The following THSD7B variants were observed in gnomAD, a reference collection of about 807,000 sequenced individuals.
THSD7B encodes the protein thrombospondin type-1 domain-containing protein 7B.
In THSD7B, 138 loss-of-function variants were observed where a neutral mutation model predicts 213.6. The observed-to-expected ratio is 0.65, with a 90% CI of 0.56 to 0.74. The LOEUF (loss-of-function observed/expected upper bound fraction) is 0.74, where lower values mean the gene tolerates loss of function less well. Ranked by LOEUF, THSD7B falls within the 30% of genes least tolerant of loss-of-function variation. The pLI is 0.00. For missense variants in THSD7B, 1,931 were observed against 1,991.5 expected (o/e 0.97, Z 0.58); for synonymous variants, 742 against 687.0 (o/e 1.08, Z -1.25).
At position 137,380,237 on chromosome 2, in the gene THSD7B, A is replaced by G. The variant is rs892647557; in HGVS notation, c.2501-25376A>G. ...GACCAGCCTGGGCAAAAAAGCGATA[A>G]CTCATCTCTACAAAAAATAGAAAAA... On this transcript the variant is annotated intron_variant, in intron 12 of 27. Transcript: ENST00000409968. Among the ~76,000 whole-genome samples the G allele has an allele frequency of 1.7e-4, 24 of 142,534 alleles. 1 individual carries two copies. The highest frequency in any genetic ancestry group is 4.8e-4 in the African/African-American group (18 of 37,448). 93.5% of individuals were successfully genotyped at this position (142,534 alleles called of 152,430 possible).
At chr2:137,508,376 ATTTTTTT>A (rs11383871) in intron 15 of THSD7B, among the ~76,000 whole-genome samples, 2 of 107,950 alleles carry the variant, frequency 1.9e-5, no homozygotes, top group Non-Finnish European at 3.5e-5. Context: ...AAATAAAACA[ATTTTTTT>A]TTTTTTTTTT....
intron 13 of THSD7B, among the ~76,000 whole-genome samples, chr2:137,409,128 G>A (rs1206219887): frequency 6.6e-6 from 1 of 152,154 alleles, no homozygotes; most frequent in Non-Finnish European, 1.5e-5. Context: ...ACTATGGTAA[G>A]CCACTTCAGA....
intron 10 of THSD7B, among the ~76,000 whole-genome samples, chr2:137,243,375 A>G (rs1162641818): frequency 6.6e-6 from 1 of 152,184 alleles, no homozygotes; most frequent in East Asian, 1.9e-4. Flanking sequence ...ATGGTTACAA[A>G]AGGCAAATCC....
intron 12 of THSD7B, among the ~76,000 whole-genome samples, chr2:137,398,448 T>C (rs1470948221): frequency 2.6e-5 from 4 of 151,580 alleles, no homozygotes; most frequent in African/African-American, 9.7e-5. Context: ...GTGCCCCTGC[T>C]GGGGGGTGCC....
rs192776661 is a variant in THSD7B at position 137,238,991 on chromosome 2, A to G, written c.2151-3466A>G. Among the ~76,000 whole-genome samples, 7 of 152,284 alleles carry G rather than the reference A, an allele frequency of 4.6e-5. No individual in the cohort carries two copies. The East Asian group carries it at 9.6e-4, about 21-fold the overall frequency. On this transcript the variant is annotated intron_variant, in intron 9 of 27. Coordinates refer to ENST00000409968, the MANE Select transcript of THSD7B (RefSeq NM_001316349.2). ...AATGAATTAGCAATTTTTTCTGGGT[A>G]TATATCTTTTAATATTAGTTTATTT...
At chr2:137,583,155 G>C (rs1345093057) in intron 17 of THSD7B, among the ~76,000 whole-genome samples, 1 of 152,154 alleles carries the variant, frequency 6.6e-6, no homozygotes, top group South Asian at 2.1e-4. Context: ...AGAAGTGTCT[G>C]TTCATATCCT....
intron 2 of THSD7B, among the ~76,000 whole-genome samples, chr2:137,017,082 CA>C (rs1686355300): frequency 6.6e-6 from 1 of 152,052 alleles, no homozygotes; most frequent in South Asian, 2.1e-4. Context: ...ATTTGGGTAC[CA>C]AATGAGCAGA....
intron 1 of THSD7B, among the ~76,000 whole-genome samples, chr2:136,801,287 C>T (rs1006275331): frequency 1.3e-5 from 2 of 152,048 alleles, no homozygotes; most frequent in African/African-American, 4.8e-5. Flanking sequence ...CGGAGGACCA[C>T]CAAAGTTCAG....
chr2:137,296,227 G>A (rs62171140), intron 12 of THSD7B, among the ~76,000 whole-genome samples: 9,364 of 152,102 alleles, frequency 0.062, 539 homozygotes, highest in African/African-American at 0.14. Flanking sequence ...CAAATTTATT[G>A]AATCCTTTGT....
intron 10 of THSD7B, among the ~76,000 whole-genome samples, chr2:137,264,731 T>C (rs1192760000): frequency 6.6e-6 from 1 of 151,990 alleles, no homozygotes; most frequent in Non-Finnish European, 1.5e-5. Flanking sequence ...AGCCCTATAC[T>C]CTCTTTTCCC....
chr2:137,566,613 T>A (rs1420117182), intron 16 of THSD7B, among the ~76,000 whole-genome samples: 1 of 152,152 alleles, frequency 6.6e-6, no homozygotes, highest in East Asian at 1.9e-4. Context: ...TACATTCCAC[T>A]GGTACTTAGT....
chr2:136,995,144 C>T (rs1270902047), intron 2 of THSD7B, among the ~76,000 whole-genome samples: 1 of 152,190 alleles, frequency 6.6e-6, no homozygotes, highest in Non-Finnish European at 1.5e-5. Flanking sequence ...ATCAATCCTA[C>T]CCAACCCAGG....
chr2:137,078,688 T>C (rs1464390865), intron 3 of THSD7B, among the ~76,000 whole-genome samples: 1 of 152,136 alleles, frequency 6.6e-6, no homozygotes, highest in Non-Finnish European at 1.5e-5. Context: ...ACTGTCTGAA[T>C]AAGAAATTTA....
intron 12 of THSD7B, among the ~76,000 whole-genome samples, chr2:137,378,780 T>C (rs1041089015): frequency 1.3e-5 from 2 of 152,098 alleles, no homozygotes; most frequent in Non-Finnish European, 2.9e-5. Context: ...TCCTAATTAT[T>C]TTGCTTCCAA....
intron 15 of THSD7B, among the ~76,000 whole-genome samples, chr2:137,456,652 A>G (rs1363154668): frequency 6.6e-6 from 1 of 152,170 alleles, no homozygotes; most frequent in Non-Finnish European, 1.5e-5. Context: ...AAACCGATCC[A>G]TGATTGAGCA....
At chr2:137,600,840 C>T (rs2104823062) in intron 17 of THSD7B, among the ~76,000 whole-genome samples, 1 of 152,250 alleles carries the variant, frequency 6.6e-6, no homozygotes, top group South Asian at 2.1e-4. Context: ...GAGATGATAG[C>T]TCTATGCATG....
In THSD7B at chr2:136,782,369, C is replaced by T. The variant is rs140005729; in HGVS notation, c.-36+16682C>T. Reference sequence around the variant, plus strand: ...CCTCCTTCATTGGTCTCTCTTTCCTCCTTCTTAGCTGTAACTAAGCTCTGA... The same window carrying T: ...CCTCCTTCATTGGTCTCTCTTTCCTTCTTCTTAGCTGTAACTAAGCTCTGA... On this transcript the variant is annotated intron_variant, in intron 1 of 27. Coordinates refer to ENST00000409968, the MANE Select transcript of THSD7B (RefSeq NM_001316349.2). Among the ~76,000 whole-genome samples the T allele has an allele frequency of 8.2e-4, 125 of 152,268 alleles. 1 individual carries two copies. Among genetic ancestry groups the T allele is most frequent in the South Asian group, 1.9e-3 (9 of 4,812 alleles).
intron 5 of THSD7B, among the ~76,000 whole-genome samples, chr2:137,124,541 G>C (rs1475911434): frequency 6.6e-6 from 1 of 151,978 alleles, no homozygotes; most frequent in Non-Finnish European, 1.5e-5. Context: ...GTGTCTTCTG[G>C]CTACTTCCTC....
chr2:136,850,824 T>C (rs1286442542), intron 1 of THSD7B, among the ~76,000 whole-genome samples: 1 of 152,048 alleles, frequency 6.6e-6, no homozygotes, highest in Admixed American at 6.6e-5. Flanking sequence ...CCCTTTATTT[T>C]TACTTCTCTT....
Sources: gnomAD v4.1 joint callset for allele counts (sites outside exome capture counted in the v4.1 genomes callset) on GRCh38, gnomAD v4.1.1 for gene constraint, MANE v1.5 for transcripts, NCBI Gene and HGNC (gene_info 2026-07-23, HGNC 2026-07-21) for gene names.